TF: variants seen among roughly 807,000 people sequenced by gnomAD.
TF encodes the protein transferrin.
A neutral mutation model predicts 82.4 loss-of-function variants in TF; 55 were observed. The observed-to-expected ratio is 0.67, with a 90% CI of 0.54 to 0.84. The LOEUF is 0.84. TF is among the 40% of genes least tolerant of loss of function. The pLI, the probability that TF is intolerant of heterozygous loss-of-function variation, is 0.00. For synonymous variants in TF, 332 were observed against 332.6 expected, an observed-to-expected ratio of 1.00 and a Z score of 0.02; for missense variants, 737 against 868.4, an observed-to-expected ratio of 0.85 and a Z score of 1.90.
the TF span, among the ~76,000 whole-genome samples, chr3:133,721,675 G>A: frequency 6.6e-6 from 1 of 152,168 alleles, no homozygotes; most frequent in African/African-American, 2.4e-5. Flanking sequence ...ATTGTCAGAA[G>A]TTGAGTGTTG....
chr3:133,770,967 T>C (rs1934244858), intron 14 of TF: 1 of 267,772 alleles, frequency 3.7e-6, no homozygotes, highest in East Asian at 8.7e-5. Context: ...TGTTGTCAGT[T>C]ATCCCAGTAA....
chr3:133,732,504 A>C, the TF span, among the ~76,000 whole-genome samples: 1 of 152,234 alleles, frequency 6.6e-6, no homozygotes, highest in East Asian at 1.9e-4. Context: ...ACCAGAGCCA[A>C]CAGCGGCAAC....
chr3:133,746,537 C>T, intron 1 of TF, 54 bp downstream of exon 1: 7 of 1,552,104 alleles, frequency 4.5e-6, no homozygotes, highest in South Asian at 2.3e-5. Flanking sequence ...GCGTTCCCTG[C>T]AACCCGGGCG....
Position 133,792,393 on chromosome 3 carries a change from T to A in TF, c.*13773T>A, listed in dbSNP as rs138074257. On this transcript the variant is annotated 3_prime_UTR_variant, in exon 17 of 17. Transcript: ENST00000402696. ...CAAGAAATATACAATTTAACGGTGA[T>A]TAGACCTCCTAAATGCTTCATAAAA... The A allele has an allele frequency of 6.6e-6, 1 of 152,188 alleles. No homozygotes were observed. The highest frequency in any genetic ancestry group is 1.5e-5 in the Non-Finnish European group (1 of 68,030). 9.4% of individuals were successfully genotyped at this position (152,188 alleles called of 1,614,324 possible). A position where few individuals can be genotyped will look rare whatever the true frequency, so the allele number is the denominator to read the frequency against.
chr3:133,715,977 C>T, the TF span, among the ~76,000 whole-genome samples: 1 of 152,192 alleles, frequency 6.6e-6, no homozygotes, highest in African/African-American at 2.4e-5. Context: ...AATTGATCTA[C>T]CAGCATCACT....
At chr3:133,678,980 C>G in the TF span, among the ~76,000 whole-genome samples, 2 of 152,180 alleles carry the variant, frequency 1.3e-5, no homozygotes, top group Non-Finnish European at 2.9e-5. Flanking sequence ...TCAAGCGATT[C>G]TCCTGCTTCA....
intron 10 of TF, among the ~76,000 whole-genome samples, chr3:133,764,497 C>T (rs1215460375): frequency 6.6e-6 from 1 of 152,208 alleles, no homozygotes. Flanking sequence ...GAAAGTTCTG[C>T]ACTGGGAAGT....
At chr3:133,768,784 ATTTTTTTT>A (rs5852766) in intron 13 of TF, among the ~76,000 whole-genome samples, 1 of 82,168 alleles carries the variant, frequency 1.2e-5, no homozygotes, top group Non-Finnish European at 2.2e-5. Flanking sequence ...GTACCTTGCT[ATTTTTTTT>A]TTTTTTTTTT....
Position 133,778,331 on chromosome 3 carries a change from C to A in TF, c.2063-255C>A, listed in dbSNP as rs1038059187. 71 of 395,014 alleles carry A rather than the reference C, an allele frequency of 1.8e-4. No individual in the cohort carries two copies. The Admixed American group carries it at 2.4e-3, about 13-fold the overall frequency. 24.5% of individuals were successfully genotyped at this position (395,014 alleles called of 1,614,324 possible). On this transcript the variant is annotated intron_variant, in intron 16 of 16. Transcript: ENST00000402696. Reference sequence around the variant, plus strand: ...GGAACTCAGATGTGTGAGCCTCGCCCATAAGAAACAAGGTGGAGGACCCTG... The same window carrying A: ...GGAACTCAGATGTGTGAGCCTCGCCAATAAGAAACAAGGTGGAGGACCCTG...
At chr3:133,699,369 G>A in the TF span, 96 of 747,310 alleles carry the variant, frequency 1.3e-4, no homozygotes, top group South Asian at 5.0e-4. Flanking sequence ...TTGATGGTTC[G>A]GTGAGGGGCA....
the TF span, among the ~76,000 whole-genome samples, chr3:133,686,889 T>C: frequency 3.3e-5 from 5 of 152,204 alleles, no homozygotes; most frequent in African/African-American, 4.8e-5. Flanking sequence ...TAAAGACACA[T>C]GCACACCTAT....
chr3:133,684,009 A>C, the TF span, among the ~76,000 whole-genome samples: 1 of 152,228 alleles, frequency 6.6e-6, no homozygotes, highest in Non-Finnish European at 1.5e-5. Context: ...TATCTCTCAG[A>C]CCACAGTGCA....
At chr3:133,744,127 C>T (rs1576352136), upstream of TF, among the ~76,000 whole-genome samples, 1 of 152,290 alleles carries the variant, frequency 6.6e-6, no homozygotes, top group East Asian at 1.9e-4. Flanking sequence ...CTTCTGAGGA[C>T]AGGGCATAGA....
chr3:133,725,135 G>A, the TF span, among the ~76,000 whole-genome samples: 1 of 152,152 alleles, frequency 6.6e-6, no homozygotes, highest in South Asian at 2.1e-4. Context: ...ACTTGGCGAT[G>A]GGGGCTCTTT....
At chr3:133,667,160 C>G in the TF span, among the ~76,000 whole-genome samples, 1 of 151,978 alleles carries the variant, frequency 6.6e-6, no homozygotes, top group Non-Finnish European at 1.5e-5. Context: ...TTGGGCGACA[C>G]AGCCAGATCT....
the TF span, among the ~76,000 whole-genome samples, chr3:133,739,415 C>T: frequency 2.6e-5 from 4 of 152,262 alleles, no homozygotes; most frequent in South Asian, 8.3e-4. Context: ...GCAAAGACTT[C>T]ATGTCTAAAA....
chr3:133,729,811 C>T, the TF span, among the ~76,000 whole-genome samples: 2 of 152,072 alleles, frequency 1.3e-5, no homozygotes, highest in South Asian at 2.1e-4. Context: ...GCTCCTCCCC[C>T]CCGTTTGGTT....
chr3:133,667,587 A>G, the TF span, among the ~76,000 whole-genome samples: 2 of 152,254 alleles, frequency 1.3e-5, no homozygotes, highest in Non-Finnish European at 2.9e-5. Flanking sequence ...CAAAGATAGC[A>G]ATCAGGTTTG....
chr3:133,770,661 TTA>T, intron 14 of TF, 89 bp downstream of exon 14: 2 of 1,308,920 alleles, frequency 1.5e-6, no homozygotes, highest in Non-Finnish European at 2.2e-6. Context: ...TGTGGAAGTA[TTA>T]TGTACACTGT....
Sources: gnomAD v4.1 joint callset for allele counts (sites outside exome capture counted in the v4.1 genomes callset) on GRCh38, gnomAD v4.1.1 for gene constraint, MANE v1.5 for transcripts, NCBI Gene and HGNC (gene_info 2026-07-23, HGNC 2026-07-21) for gene names.